Variants in WASF3 observed in about 807,000 individuals in gnomAD.
The protein encoded by WASF3 is WASP family member 3, also known as actin-binding protein WASF3.
A neutral mutation model predicts 46.6 loss-of-function variants in WASF3; 11 were observed. That is an observed-to-expected ratio of 0.24 (90% confidence interval 0.15 to 0.39). The LOEUF (loss-of-function observed/expected upper bound fraction) is 0.39, where lower values mean the gene tolerates loss of function less well. WASF3 is among the 10% of genes least tolerant of loss of function. WASF3 has a pLI of 1.00. For missense variants in WASF3, 576 were observed against 669.8 expected, an observed-to-expected ratio of 0.86 and a Z score of 1.55; for synonymous variants, 242 against 259.7, an observed-to-expected ratio of 0.93 and a Z score of 0.65.
chr13:26,615,891 C>T (rs1380869043), intron 2 of WASF3, among the ~76,000 whole-genome samples: 1 of 152,056 alleles, frequency 6.6e-6, no homozygotes, highest in Non-Finnish European at 1.5e-5. Flanking sequence ...GTAGTATTTT[C>T]GTCTGGCTTT....
At chr13:26,593,966 C>T (rs1036908570) in intron 1 of WASF3, among the ~76,000 whole-genome samples, 11 of 152,134 alleles carry the variant, frequency 7.2e-5, no homozygotes, top group Admixed American at 2.6e-4. Flanking sequence ...GGAACATCTT[C>T]GTGTATAAAT....
intron 2 of WASF3, chr13:26,641,826 A>G (rs35582301): frequency 0.2 from 29,947 of 152,224 alleles, 3,465 homozygotes; most frequent in East Asian, 0.28. Flanking sequence ...CGGAGGGTCA[A>G]TTTCTACGTT....
upstream of WASF3, among the ~76,000 whole-genome samples, chr13:26,553,797 A>G (rs1879020623): frequency 1.4e-5 from 2 of 147,606 alleles, no homozygotes; most frequent in Non-Finnish European, 3.0e-5. Context: ...AGCCTGGGCG[A>G]CAGAGCGAGA....
rs1292620605 is a variant in WASF3, at chr13:26,682,563, C to T, written c.984-44C>T. The stretch of plus-strand genomic sequence containing the variant: ...GTCTAAGAGCTCCCAGGACGTGACC[C>T]TCTCTTGTTCCCTTGGTGACTATGT... On this transcript the variant is annotated intron_variant, in intron 8 of 9. Coordinates refer to ENST00000335327, the MANE Select transcript of WASF3 (RefSeq NM_006646.6). The surrounding 1 kb of genome is among the most constrained non-coding windows in gnomAD (Gnocchi z 4.4). The T allele has an allele frequency of 1.2e-6, 2 of 1,612,188 alleles. No individual in the cohort carries two copies. The highest frequency in any genetic ancestry group is 1.3e-5 in the African/African-American group (1 of 74,878).
chr13:26,619,972 A>G (rs998334351), intron 2 of WASF3, among the ~76,000 whole-genome samples: 2 of 152,184 alleles, frequency 1.3e-5, no homozygotes, highest in African/African-American at 4.8e-5. Flanking sequence ...TTACTGGCAT[A>G]TTTATAATTG....
At chr13:26,541,918 C>G in the WASF3 span, among the ~76,000 whole-genome samples, 1 of 152,200 alleles carries the variant, frequency 6.6e-6, no homozygotes, top group Non-Finnish European at 1.5e-5. Context: ...TTCCCCAGCC[C>G]TGAATGTACC....
chr13:26,554,056 C>T (rs1214957418), upstream of WASF3, among the ~76,000 whole-genome samples: 306 of 72,588 alleles, frequency 4.2e-3, 40 homozygotes, highest in East Asian at 9.4e-3. Flanking sequence ...TCCTTCCTTC[C>T]TTCCTTCCTT....
chr13:26,545,682 T>G, the WASF3 span, among the ~76,000 whole-genome samples: 1 of 152,230 alleles, frequency 6.6e-6, no homozygotes, highest in East Asian at 1.9e-4. Flanking sequence ...CATAGCTTAC[T>G]GCAACCTTGA....
chr13:26,619,693 G>A (rs575655758), intron 2 of WASF3, among the ~76,000 whole-genome samples: 12 of 152,282 alleles, frequency 7.9e-5, no homozygotes, highest in African/African-American at 2.4e-4. Flanking sequence ...AAAACCATCT[G>A]TTTAATAAGA....
chr13:26,569,369 G>C (rs747680629), intron 1 of WASF3, among the ~76,000 whole-genome samples: 15 of 152,170 alleles, frequency 9.9e-5, no homozygotes, highest in Non-Finnish European at 1.8e-4. Context: ...GTATATTTTA[G>C]AAGATTGAAT....
At chr13:26,577,777 T>G in intron 1 of WASF3, 1 of 633,814 alleles carries the variant, frequency 1.6e-6, no homozygotes, top group Non-Finnish European at 2.8e-6. Flanking sequence ...CAGACCTTAT[T>G]CAGATTTCAC....
At chr13:26,596,940 A>T (rs1880485763) in intron 1 of WASF3, among the ~76,000 whole-genome samples, 1 of 151,786 alleles carries the variant, frequency 6.6e-6, no homozygotes, top group South Asian at 2.1e-4. Flanking sequence ...CTATTTACCT[A>T]TTTTGTTATT....
At chr13:26,636,365 G>A (rs1255408530) in intron 2 of WASF3, among the ~76,000 whole-genome samples, 2 of 152,196 alleles carry the variant, frequency 1.3e-5, no homozygotes, top group Non-Finnish European at 2.9e-5. Flanking sequence ...AAGACTGTGG[G>A]AAAAGCACAG....
At chr13:26,659,468 C>T (rs1882561507) in intron 3 of WASF3, among the ~76,000 whole-genome samples, 1 of 151,674 alleles carries the variant, frequency 6.6e-6, no homozygotes, top group Admixed American at 6.6e-5. Flanking sequence ...AGTGAATTGG[C>T]AAGGCATGGA....
chr13:26,613,631 G>A (rs1441359713), intron 2 of WASF3, among the ~76,000 whole-genome samples: 1 of 152,066 alleles, frequency 6.6e-6, no homozygotes, highest in African/African-American at 2.4e-5. Context: ...TTAGTCGGGT[G>A]TGGTGGCATG....
At chr13:26,655,669 T>C (rs1268871081) in intron 3 of WASF3, among the ~76,000 whole-genome samples, 1 of 152,200 alleles carries the variant, frequency 6.6e-6, no homozygotes, top group African/African-American at 2.4e-5. Flanking sequence ...TCAACATTAG[T>C]TAGTAAGCAT....
rs1346848045 is a variant in WASF3 at position 26,681,196 on chromosome 13, C to T, written c.859C>T (p.Arg287Trp). The change falls in exon 8 of 10, where the codon CGG becomes TGG. Residue 287 changes from arginine to tryptophan, a missense_variant. Around this residue, in one of 3 missense-constraint regions of WASF3, gnomAD observed 295 missense variants for 291.5 expected, o/e 1.01. Coordinates refer to ENST00000335327, the MANE Select transcript of WASF3 (RefSeq NM_006646.6). ...AAGCCAGGCTGCGGAGCATGAGTAC[C>T]GGCCCCCATCTGCCTCGGCGAGGCA... ...PASQAAEHEY[R>W]PPSASARHMA... 6.8e-6 allele frequency: 11 copies of T among 1,614,012 alleles called. No homozygotes were observed. The highest frequency in any genetic ancestry group is 5.0e-5 in the Admixed American group (3 of 60,012).
upstream of WASF3, among the ~76,000 whole-genome samples, chr13:26,556,191 A>G (rs1464527735): frequency 6.6e-6 from 1 of 152,222 alleles, no homozygotes; most frequent in African/African-American, 2.4e-5. Flanking sequence ...GTGAGTGCAA[A>G]CTAAGTGTAG....
chr13:26,575,428 C>A (rs867029092), intron 1 of WASF3, among the ~76,000 whole-genome samples: 57 of 152,192 alleles, frequency 3.7e-4, no homozygotes, highest in African/African-American at 1.3e-3. Context: ...TTTAGTCATC[C>A]CTTGTTTAGA....
Sources: allele counts gnomAD v4.1 joint callset (sites outside exome capture counted in the v4.1 genomes callset), GRCh38; gene constraint gnomAD v4.1.1; regional missense constraint gnomAD v4.1.1; non-coding constraint Gnocchi (gnomAD v3.1); transcripts MANE v1.5; gene names NCBI Gene and HGNC (gene_info 2026-07-23, HGNC 2026-07-21).